Variants in PAX5 observed in about 807,000 individuals in gnomAD.
PAX5 encodes the protein paired box 5.
Under a neutral mutation model 43.7 loss-of-function variants are expected in PAX5, and 9 were observed. The ratio of observed to expected loss-of-function variants is 0.21; its 90% CI spans 0.12 to 0.36. The LOEUF is 0.36. Ranked by LOEUF, PAX5 falls within the 10% of genes least tolerant of loss-of-function variation. The probability of loss-of-function intolerance (pLI) is 1.00; values close to 1 mark genes in which losing one functional copy is unlikely to be tolerated. For synonymous variants in PAX5, 228 were observed against 214.3 expected (o/e 1.06, Z -0.56); for missense variants, 383 against 532.7 (o/e 0.72, Z 2.77).
chr9:36,869,259 C>T (rs10758409), intron 8 of PAX5, among the ~76,000 whole-genome samples: 84,705 of 152,082 alleles, frequency 0.56, 27,456 homozygotes, highest in East Asian at 0.74. Flanking sequence ...TTCGGAAAGA[C>T]TGCAGTAAGT....
chr9:36,942,896 G>C lies in PAX5; in HGVS notation c.781-19412C>G, dbSNP rs547022918. 1.1e-4 allele frequency among the ~76,000 whole-genome samples: 17 copies of C among 152,312 alleles called. 1 individual carries two copies. The South Asian group carries it at 3.5e-3, about 32-fold the overall frequency. On this transcript the variant is annotated intron_variant, in intron 6 of 9. Coordinates refer to ENST00000358127, the MANE Select transcript of PAX5 (RefSeq NM_016734.3). ...GGGCAGGGCCTGGTGGCCGGGCAAC[G>C]GCCTTCAGCACTGCTGACGCTACCC...
At chr9:37,009,963 G>C (rs1234770222) in intron 3 of PAX5, among the ~76,000 whole-genome samples, 1 of 152,154 alleles carries the variant, frequency 6.6e-6, no homozygotes, top group Non-Finnish European at 1.5e-5. Flanking sequence ...AGAGTTATAG[G>C]CAAGCCTCTG....
intron 8 of PAX5, chr9:36,861,345 T>C (rs1028746512): frequency 7.3e-5 from 11 of 151,144 alleles, no homozygotes; most frequent in African/African-American, 2.4e-4. Context: ...CCTGAGGATA[T>C]AGCCCTGAAC....
chr9:36,904,519 G>C (rs1285524219), intron 7 of PAX5, among the ~76,000 whole-genome samples: 1 of 152,110 alleles, frequency 6.6e-6, no homozygotes, highest in Non-Finnish European at 1.5e-5. Flanking sequence ...CTCAGGGTGG[G>C]AGTAGAAGTT....
intron 7 of PAX5, among the ~76,000 whole-genome samples, chr9:36,907,912 C>G (rs531270865): frequency 5.3e-5 from 8 of 152,278 alleles, no homozygotes; most frequent in African/African-American, 1.7e-4. Flanking sequence ...ATTTATTTTA[C>G]AGTGAACATG....
intron 5 of PAX5, among the ~76,000 whole-genome samples, chr9:37,001,201 A>G (rs932794073): frequency 1.3e-5 from 2 of 152,232 alleles, no homozygotes; most frequent in East Asian, 1.9e-4. Context: ...AACAAAGTAA[A>G]TAATGCCCCC....
intron 3 of PAX5, 99 bp from the exon 4 acceptor site, chr9:37,006,636 T>A (rs1284335352): frequency 2.1e-6 from 2 of 942,120 alleles, no homozygotes; most frequent in East Asian, 4.8e-5. Flanking sequence ...ATACCCAAGC[T>A]GGGCCATGGT....
intron 8 of PAX5, among the ~76,000 whole-genome samples, chr9:36,855,363 T>G (rs999711094): frequency 6.6e-5 from 10 of 152,222 alleles, no homozygotes; most frequent in African/African-American, 1.4e-4. Flanking sequence ...CTGCAGGCAT[T>G]TCCATTTGAG....
chr9:36,936,491 G>A (rs568733610), intron 6 of PAX5, among the ~76,000 whole-genome samples: 1 of 152,288 alleles, frequency 6.6e-6, no homozygotes, highest in East Asian at 1.9e-4. Context: ...CTAGTAATGG[G>A]CAGGGAGGCC....
intron 7 of PAX5, among the ~76,000 whole-genome samples, chr9:36,892,302 C>G (rs1477508010): frequency 6.6e-6 from 1 of 152,202 alleles, no homozygotes; most frequent in Non-Finnish European, 1.5e-5. Context: ...CATTATCTGA[C>G]ACTAAGTTCT....
intron 8 of PAX5, among the ~76,000 whole-genome samples, chr9:36,869,248 T>C (rs1484901935): frequency 6.6e-6 from 1 of 152,096 alleles, no homozygotes; most frequent in Non-Finnish European, 1.5e-5. Context: ...TAAAGCTGGG[T>C]TTCGGAAAGA....
intron 6 of PAX5, among the ~76,000 whole-genome samples, chr9:36,961,884 G>A (rs1460466723): frequency 1.3e-5 from 2 of 152,288 alleles, no homozygotes; most frequent in East Asian, 1.9e-4. Flanking sequence ...TTCCTCCAAC[G>A]TGATTTTTAC....
At chr9:36,860,109 C>T (rs1014185482) in intron 8 of PAX5, among the ~76,000 whole-genome samples, 2 of 148,886 alleles carry the variant, frequency 1.3e-5, no homozygotes, top group African/African-American at 2.5e-5. Context: ...GAGGCTGAGG[C>T]GGGTAGATCA....
At position 36,945,618 on chromosome 9, in the gene PAX5, A is replaced by G. The variant is rs535388302; in HGVS notation, c.780+20931T>C. ...GGCATTGCTATTTATAGATCTGTTT[A>G]ACACAAGAAACAGATCCTAAAAATA... On this transcript the variant is annotated intron_variant, in intron 6 of 9. Coordinates refer to ENST00000358127, the MANE Select transcript of PAX5 (RefSeq NM_016734.3). Among the ~76,000 whole-genome samples the G allele has an allele frequency of 2.0e-4, 30 of 152,370 alleles. 1 individual carries two copies. The South Asian group carries it at 6.0e-3, about 30-fold the overall frequency.
At position 36,833,689 on chromosome 9, in the gene PAX5, C is replaced by T. The variant is rs891141109; in HGVS notation, c.*6871G>A. 2 of 232,210 alleles carry T rather than the reference C, an allele frequency of 8.6e-6. No individual in the cohort carries two copies. Among genetic ancestry groups the T allele is most frequent in the African/African-American group, 4.5e-5 (2 of 44,930 alleles). The allele number at this position is 232,210 out of a possible 1,614,324, so 14.4% of individuals were successfully genotyped here. A position where few individuals can be genotyped will look rare whatever the true frequency, so the allele number is the denominator to read the frequency against. ...TATTACACACAAAAGCAACACACGT[C>T]ACTAAGAAAAAAACCACCAATATTT... On this transcript the variant is annotated 3_prime_UTR_variant, in exon 10 of 10. Coordinates refer to ENST00000358127, the MANE Select transcript of PAX5 (RefSeq NM_016734.3).
chr9:36,963,350 A>G (rs1402152704), intron 6 of PAX5, among the ~76,000 whole-genome samples: 2 of 152,004 alleles, frequency 1.3e-5, no homozygotes, highest in Non-Finnish European at 2.9e-5. Flanking sequence ...CCATCTCTCC[A>G]TGAGCCCATG....
In PAX5 at chr9:36,882,214, G is replaced by A. The variant is rs1290004080; in HGVS notation, c.911-109C>T. On this transcript the variant is annotated intron_variant, in intron 7 of 9. Coordinates refer to ENST00000358127, the MANE Select transcript of PAX5 (RefSeq NM_016734.3). The surrounding 1 kb of genome is among the most constrained non-coding windows in gnomAD (Gnocchi z 4.4). The stretch of plus-strand genomic sequence containing the variant: ...CATTTGTCACGTTTGGACGCTGAAC[G>A]GCAATGTGCCCCCAGCTCCCCCCTG... The A allele has an allele frequency of 4.9e-6, 4 of 810,460 alleles. No individual in the cohort carries two copies. The highest frequency in any genetic ancestry group is 5.7e-6 in the Non-Finnish European group (3 of 522,214). 50.2% of individuals were successfully genotyped at this position (810,460 alleles called of 1,614,324 possible). A position where few individuals can be genotyped will look rare whatever the true frequency, so the allele number is the denominator to read the frequency against.
intron 8 of PAX5, among the ~76,000 whole-genome samples, chr9:36,866,376 C>T (rs1333336008): frequency 1.3e-5 from 2 of 152,154 alleles, no homozygotes; most frequent in African/African-American, 4.8e-5. Flanking sequence ...AGCTGTGCCC[C>T]GGCGTACCTG....
Position 36,882,182 on chromosome 9 carries a change from T to C in PAX5, c.911-77A>G. 8.3e-6 allele frequency: 10 copies of C among 1,199,564 alleles called. No individual in the cohort carries two copies. Among genetic ancestry groups the C allele is most frequent in the Non-Finnish European group, 9.3e-6 (8 of 857,300 alleles). The allele number at this position is 1,199,564 out of a possible 1,614,324, so 74.3% of individuals were successfully genotyped here. A position where few individuals can be genotyped will look rare whatever the true frequency, so the allele number is the denominator to read the frequency against. On this transcript the variant is annotated intron_variant, in intron 7 of 9. Coordinates refer to ENST00000358127, the MANE Select transcript of PAX5 (RefSeq NM_016734.3). The surrounding 1 kb of genome is among the most constrained non-coding windows in gnomAD (Gnocchi z 4.4). The stretch of plus-strand genomic sequence containing the variant: ...CTCATGTCCACAGCTCCCTGGACGC[T>C]TCTGCACATTTGTCACGTTTGGACG...
Sources: gnomAD v4.1 joint callset for allele counts (sites outside exome capture counted in the v4.1 genomes callset) on GRCh38, gnomAD v4.1.1 for gene constraint, Gnocchi (gnomAD v3.1) non-coding constraint, MANE v1.5 for transcripts, NCBI Gene and HGNC (gene_info 2026-07-23, HGNC 2026-07-21) for gene names.